The following BCAT1 variants were observed in gnomAD, a reference collection of about 807,000 sequenced individuals.
The protein encoded by BCAT1 is branched-chain-amino-acid aminotransferase, cytosolic.
Under a neutral mutation model 52.4 loss-of-function variants are expected in BCAT1, and 48 were observed. The ratio of observed to expected loss-of-function variants is 0.92; its 90% confidence interval spans 0.73 to 1.16. The LOEUF is 1.16. BCAT1 is among the 50% of genes most tolerant of loss of function. The probability of loss-of-function intolerance (pLI) is 0.00; values close to 1 mark genes in which losing one functional copy is unlikely to be tolerated. For missense variants in BCAT1, 451 were observed against 457.1 expected (o/e 0.99, Z 0.12); for synonymous variants, 167 against 161.3 (o/e 1.04, Z -0.27).
intron 1 of BCAT1, among the ~76,000 whole-genome samples, chr12:24,947,808 A>C (rs935378435): frequency 6.6e-6 from 1 of 152,242 alleles, no homozygotes; most frequent in East Asian, 1.9e-4. Flanking sequence ...GCTATAATCA[A>C]CTAAAGTGTG....
intron 1 of BCAT1, among the ~76,000 whole-genome samples, chr12:24,939,824 ACT>A (rs1204381748): frequency 6.6e-6 from 1 of 152,100 alleles, no homozygotes. Flanking sequence ...ACAGAGCAAG[ACT>A]CTGTCTCAAA....
chr12:24,821,421 C>T (rs1940120371), intron 10 of BCAT1, among the ~76,000 whole-genome samples: 1 of 152,034 alleles, frequency 6.6e-6, no homozygotes, highest in African/African-American at 2.4e-5. Context: ...ACACATGCTC[C>T]CCCTGATACT....
At chr12:24,923,707 G>A (rs933065515) in intron 1 of BCAT1, among the ~76,000 whole-genome samples, 2 of 152,162 alleles carry the variant, frequency 1.3e-5, no homozygotes, top group South Asian at 2.1e-4. Flanking sequence ...ACCATGCCCG[G>A]CCTTCAAGTA....
chr12:24,941,018 T>C (rs529426537), intron 1 of BCAT1, among the ~76,000 whole-genome samples: 18 of 152,356 alleles, frequency 1.2e-4, no homozygotes, highest in African/African-American at 3.1e-4. Flanking sequence ...TTGAACAGTA[T>C]TGGAATTGGT....
At chr12:24,830,585 A>G (rs956696447) in intron 9 of BCAT1, 2 of 152,216 alleles carry the variant, frequency 1.3e-5, no homozygotes, top group Non-Finnish European at 1.5e-5. Flanking sequence ...AACACTTTTC[A>G]TATTATACCC....
At chr12:24,860,300 A>G (rs986977469) in intron 5 of BCAT1, among the ~76,000 whole-genome samples, 4 of 152,234 alleles carry the variant, frequency 2.6e-5, no homozygotes, top group Admixed American at 2.6e-4. Context: ...AATTAACAGC[A>G]TGGACTAAAC....
intron 5 of BCAT1, among the ~76,000 whole-genome samples, chr12:24,859,944 T>A (rs1364289993): frequency 6.6e-6 from 1 of 152,218 alleles, no homozygotes; most frequent in Non-Finnish European, 1.5e-5. Context: ...ATGTTATTGG[T>A]ATGTGCTCCA....
intron 6 of BCAT1, among the ~76,000 whole-genome samples, chr12:24,846,450 TA>T (rs1941347668): frequency 6.6e-6 from 1 of 152,196 alleles, no homozygotes; most frequent in South Asian, 2.1e-4. Context: ...AATGAAAAAG[TA>T]AGAAAGCTGT....
At chr12:24,901,775 ACGTTGCTT>A (rs1943109291) in intron 2 of BCAT1, 31 bp downstream of exon 2, 1 of 1,586,172 alleles carries the variant, frequency 6.3e-7, no homozygotes. Context: ...ATTCAGTTGA[ACGTTGCTT>A]TAGACACTAA....
chr12:24,830,206 G>A (rs1003830671), intron 9 of BCAT1: 4 of 240,414 alleles, frequency 1.7e-5, no homozygotes, highest in Non-Finnish European at 3.2e-5. Context: ...ACCTAAAATA[G>A]TGGCTAAACT....
At chr12:24,898,759 A>G (rs1460712642) in intron 2 of BCAT1, among the ~76,000 whole-genome samples, 1 of 151,334 alleles carries the variant, frequency 6.6e-6, no homozygotes, top group Non-Finnish European at 1.5e-5. Context: ...CAAATGATCC[A>G]CCCACCTCAG....
intron 5 of BCAT1, among the ~76,000 whole-genome samples, chr12:24,861,186 T>C (rs1050202309): frequency 6.6e-6 from 1 of 152,236 alleles, no homozygotes; most frequent in African/African-American, 2.4e-5. Context: ...TGTTTGTTCC[T>C]ATGAACCAAC....
intron 5 of BCAT1, among the ~76,000 whole-genome samples, chr12:24,852,293 C>T (rs1215084293): frequency 6.6e-6 from 1 of 152,146 alleles, no homozygotes; most frequent in South Asian, 2.1e-4. Context: ...GACTAATACA[C>T]CCTAGTGATG....
At position 24,832,726 on chromosome 12, in the gene BCAT1, G is replaced by A. The variant is rs199896585; in HGVS notation, c.1041C>T (p.Gly347=). Residue 347 remains glycine (G), a synonymous_variant, in exon 9 of 11, where the codon GGC becomes GGT. Transcript: ENST00000261192. ...AATGAGGAAATACTTGTCGTACCTC[G>A]CCTTTGTACAGTATATCAGAAACTG... is the stretch of plus-strand genomic sequence containing the variant. ...VCPVSDILYK[G]ETIHIPTMEN... 1.8e-5 allele frequency: 29 copies of A among 1,604,900 alleles called. No homozygotes were observed. Among genetic ancestry groups the A allele is most frequent in the African/African-American group, 1.1e-4 (8 of 74,766 alleles).
At chr12:24,894,939 T>C (rs1364539678) in intron 2 of BCAT1, among the ~76,000 whole-genome samples, 1 of 152,162 alleles carries the variant, frequency 6.6e-6, no homozygotes, top group East Asian at 1.9e-4. Context: ...CCCCAAAGAA[T>C]TGTTGGCATA....
chr12:24,834,722 G>T (rs1227741931), intron 8 of BCAT1: 2 of 1,074,456 alleles, frequency 1.9e-6, no homozygotes, highest in Non-Finnish European at 1.1e-6. Context: ...ATTTCTCTCA[G>T]TCTACAATTG....
chr12:24,907,590 C>T (rs117137038), intron 1 of BCAT1, among the ~76,000 whole-genome samples: 1,839 of 152,334 alleles, frequency 0.012, 23 homozygotes, highest in Middle Eastern at 0.024. Flanking sequence ...AATACACCCT[C>T]CCTGCCCTTG....
intron 10 of BCAT1, among the ~76,000 whole-genome samples, chr12:24,819,817 A>G (rs954092497): frequency 1.3e-5 from 2 of 152,220 alleles, no homozygotes; most frequent in African/African-American, 4.8e-5. Flanking sequence ...AGTTTCTTGC[A>G]TAATCCACAC....
At chr12:24,823,954 G>A (rs1940262252) in intron 10 of BCAT1, among the ~76,000 whole-genome samples, 1 of 152,086 alleles carries the variant, frequency 6.6e-6, no homozygotes, top group African/African-American at 2.4e-5. Flanking sequence ...TTTGGTAATG[G>A]TTTCCCATCT....
Sources: gnomAD v4.1 joint callset for allele counts (sites outside exome capture counted in the v4.1 genomes callset) on GRCh38, gnomAD v4.1.1 for gene constraint, MANE v1.5 for transcripts, NCBI Gene and HGNC (gene_info 2026-07-23, HGNC 2026-07-21) for gene names.